CASK: variants seen among roughly 807,000 people sequenced by gnomAD.
CASK encodes calcium/calmodulin dependent serine protein kinase.
Under a neutral mutation model 82.9 loss-of-function variants are expected in CASK, and 4 were observed. The ratio of observed to expected loss-of-function variants is 0.05; its 90% CI spans 0.02 to 0.11. The LOEUF is 0.11. Ranked by LOEUF, CASK falls within the 10% of genes least tolerant of loss-of-function variation. The pLI is 1.00. For synonymous variants in CASK, 259 were observed against 253.5 expected, an observed-to-expected ratio of 1.02 and a Z score of -0.20; for missense variants, 358 against 720.9, an observed-to-expected ratio of 0.50 and a Z score of 5.76.
chrX:41,890,636 A>G (rs1334557328), intron 1 of CASK, among the ~76,000 whole-genome samples: 1 of 111,840 alleles, frequency 8.9e-6, no homozygotes, highest in Non-Finnish European at 1.9e-5. Flanking sequence ...AAGACTGATT[A>G]GATTTTGACC....
chrX:41,852,232 C>T (rs1322373638), intron 2 of CASK, among the ~76,000 whole-genome samples: 2 of 111,331 alleles, frequency 1.8e-5, no homozygotes, highest in South Asian at 3.7e-4. Flanking sequence ...AAACTTGAAG[C>T]TCACAATATG....
chrX:41,764,245 G>A (rs753602482), intron 3 of CASK, among the ~76,000 whole-genome samples: 2 of 109,995 alleles, frequency 1.8e-5, no homozygotes, highest in Admixed American at 9.8e-5. Flanking sequence ...CCTTGCTGTC[G>A]TGATTTTCTA....
At chrX:41,772,113 G>C (rs1445800786) in intron 3 of CASK, among the ~76,000 whole-genome samples, 2 of 110,759 alleles carry the variant, frequency 1.8e-5, no homozygotes, top group African/African-American at 6.6e-5. Flanking sequence ...CACTTTGAGA[G>C]GCCGAGGCAG....
chrX:41,913,371 T>C (rs1295278688), intron 1 of CASK, among the ~76,000 whole-genome samples: 1 of 112,019 alleles, frequency 8.9e-6, no homozygotes, highest in Non-Finnish European at 1.9e-5. Context: ...TAAAAAATAA[T>C]AATAATGACA....
chrX:41,605,828 G>A lies in CASK; in HGVS notation c.1155+4076C>T, dbSNP rs763106829. 1.3e-3 allele frequency among the ~76,000 whole-genome samples: 146 copies of A among 110,272 alleles called. 1 individual carries two copies. Among genetic ancestry groups the A allele is most frequent in the African/African-American group, 4.3e-3 (131 of 30,324 alleles). On this transcript the variant is annotated intron_variant, in intron 12 of 26. Transcript: ENST00000378163. ...CAAGTAGCTGGGACTACAGGCATGC[G>A]CCACCATGCCTAGCTAATTTTTGTA...
chrX:41,883,805 G>A (rs750728742), intron 1 of CASK, among the ~76,000 whole-genome samples: 10 of 111,397 alleles, frequency 9.0e-5, no homozygotes, highest in Non-Finnish European at 1.3e-4. Context: ...ATAGGGCCAT[G>A]GAGAAGAATG....
intron 2 of CASK, among the ~76,000 whole-genome samples, chrX:41,848,335 A>AG (rs976937472): frequency 2.7e-4 from 30 of 112,261 alleles, no homozygotes; most frequent in Non-Finnish European, 4.7e-4. Context: ...TGTCTGAGTC[A>AG]GGGGGGTGGA....
chrX:41,801,288 C>T (rs1336085726), intron 2 of CASK, among the ~76,000 whole-genome samples: 2 of 111,693 alleles, frequency 1.8e-5, no homozygotes, highest in African/African-American at 6.5e-5. Context: ...TCAACTTTGG[C>T]TCAAGGACTC....
chrX:41,633,596 C>CTTTT lies in CASK; in HGVS notation c.915+2978_915+2981dup, dbSNP rs201315802. 1.9e-3 allele frequency among the ~76,000 whole-genome samples: 200 copies of CTTTT among 103,348 alleles called. 3 individuals are homozygous for CTTTT. Among genetic ancestry groups the CTTTT allele is most frequent in the African/African-American group, 6.8e-3 (195 of 28,722 alleles). 89.7% of individuals were successfully genotyped at this position (103,348 alleles called of 115,157 possible). ...AGAAAGTATTGTTATCTAGAGGATT[C>CTTTT]TTTTTTTTTATTTTTTTTTAATGAA... On this transcript the variant is annotated intron_variant, in intron 9 of 26. Transcript: ENST00000378163.
At chrX:41,873,785 C>CTTT (rs781735208) in intron 1 of CASK, among the ~76,000 whole-genome samples, 5 of 88,586 alleles carry the variant, frequency 5.6e-5, no homozygotes, top group Admixed American at 1.2e-4. Flanking sequence ...TTTGTTGTTC[C>CTTT]TTTTTTTTTT....
intron 12 of CASK, among the ~76,000 whole-genome samples, chrX:41,604,393 C>A (rs1036066703): frequency 9.7e-6 from 1 of 103,182 alleles, no homozygotes; most frequent in Admixed American, 1.1e-4. Flanking sequence ...CACAGACACA[C>A]ACGCACAGAG....
chrX:41,867,991 C>T (rs1150378), intron 1 of CASK, among the ~76,000 whole-genome samples: 21,467 of 111,268 alleles, frequency 0.19, 1,624 homozygotes, highest in Middle Eastern at 0.31. Flanking sequence ...ACATGATCAC[C>T]TTTTTGTGAA....
chrX:41,695,310 C>CTTTT (rs1331604938), intron 5 of CASK, among the ~76,000 whole-genome samples: 1 of 87,761 alleles, frequency 1.1e-5, no homozygotes, highest in East Asian at 3.6e-4. Flanking sequence ...TTTACACTGT[C>CTTTT]TTTTTTTTTT....
chrX:41,766,204 G>A (rs2069112590), intron 3 of CASK, among the ~76,000 whole-genome samples: 1 of 111,814 alleles, frequency 8.9e-6, no homozygotes, highest in Non-Finnish European at 1.9e-5. Context: ...GGTTTTGATT[G>A]TGCATTCCTG....
chrX:41,832,906 G>A (rs1339536102), intron 2 of CASK, among the ~76,000 whole-genome samples: 1 of 111,380 alleles, frequency 9.0e-6, no homozygotes, highest in Non-Finnish European at 1.9e-5. Flanking sequence ...TATGCTTTGG[G>A]GCCACTTTAA....
At chrX:41,820,551 G>A (rs903367409) in intron 2 of CASK, among the ~76,000 whole-genome samples, 43 of 110,830 alleles carry the variant, frequency 3.9e-4, no homozygotes, top group African/African-American at 1.2e-3. Flanking sequence ...TGGATTGGAG[G>A]ACTCAATATG....
chrX:41,813,541 G>T (rs2070348887), intron 2 of CASK, among the ~76,000 whole-genome samples: 1 of 111,643 alleles, frequency 9.0e-6, no homozygotes, highest in Non-Finnish European at 1.9e-5. Context: ...CTAGCCATAT[G>T]TAGAAAGCTG....
chrX:41,731,468 T>C (rs1437966372), intron 5 of CASK, among the ~76,000 whole-genome samples: 1 of 112,037 alleles, frequency 8.9e-6, no homozygotes, highest in Non-Finnish European at 1.9e-5. Flanking sequence ...AAAATAATTA[T>C]TTAAAAAACA....
intron 5 of CASK, among the ~76,000 whole-genome samples, chrX:41,711,937 T>C (rs1447837474): frequency 8.9e-6 from 1 of 112,596 alleles, no homozygotes; most frequent in African/African-American, 3.2e-5. Flanking sequence ...ATTGTCAGCG[T>C]ATCCTCATTC....
Sources: allele counts gnomAD v4.1 joint callset (sites outside exome capture counted in the v4.1 genomes callset), GRCh38; gene constraint gnomAD v4.1.1; transcripts MANE v1.5; gene names NCBI Gene and HGNC (gene_info 2026-07-23, HGNC 2026-07-21).